Variants in GMDS observed in about 807,000 individuals in gnomAD.
GMDS encodes the protein GDP-mannose 4,6 dehydratase.
A neutral mutation model predicts 49.9 loss-of-function variants in GMDS; 20 were observed. The ratio of observed to expected loss-of-function variants is 0.40; its 90% CI spans 0.28 to 0.58. GMDS has a LOEUF of 0.58. Ranked by LOEUF, GMDS falls within the 20% of genes least tolerant of loss-of-function variation. The pLI, the probability that GMDS is intolerant of heterozygous loss-of-function variation, is 0.42. For missense variants in GMDS, 362 were observed against 481.4 expected (o/e 0.75, Z 2.32); for synonymous variants, 177 against 178.6 (o/e 0.99, Z 0.07).
intron 9 of GMDS, among the ~76,000 whole-genome samples, chr6:1,681,963 G>A (rs953981341): frequency 2.6e-5 from 4 of 151,876 alleles, no homozygotes; most frequent in Non-Finnish European, 4.4e-5. Context: ...CCAAAGTGTT[G>A]GGATTACAGG....
In GMDS at chr6:1,743,475, G is replaced by A. The variant is rs914504759; in HGVS notation, c.772-889C>T. 1.9e-4 allele frequency among the ~76,000 whole-genome samples: 28 copies of A among 148,050 alleles called. 1 individual carries two copies. Among genetic ancestry groups the A allele is most frequent in the Non-Finnish European group, 2.1e-4 (14 of 66,870 alleles). On this transcript the variant is annotated intron_variant, in intron 7 of 10. Transcript: ENST00000380815. ...GGAGAATGGCGTGAACCCGGGAGGC[G>A]GAGCTTGCAGGGAGCCGAGATCGCG...
intron 4 of GMDS, among the ~76,000 whole-genome samples, chr6:1,968,144 T>C (rs898729113): frequency 2.6e-5 from 4 of 152,200 alleles, no homozygotes; most frequent in African/African-American, 9.7e-5. Flanking sequence ...TTTATAACTA[T>C]GTGAAACTGA....
At chr6:2,052,143 A>AAAAAAAAAAAAAC (rs1770453878) in intron 4 of GMDS, among the ~76,000 whole-genome samples, 1 of 148,930 alleles carries the variant, frequency 6.7e-6, no homozygotes, top group Non-Finnish European at 1.5e-5. Flanking sequence ...AAAAAAAAAA[A>AAAAAAAAAAAAAC]CAGAAAAGAA....
intron 1 of GMDS, among the ~76,000 whole-genome samples, chr6:2,220,297 G>C (rs114195329): frequency 1.3e-5 from 2 of 152,156 alleles, no homozygotes; most frequent in Admixed American, 6.5e-5. Flanking sequence ...TCAACACAAG[G>C]CCTCACAGAT....
intron 8 of GMDS, among the ~76,000 whole-genome samples, chr6:1,741,281 T>C (rs974091725): frequency 3.3e-5 from 5 of 152,136 alleles, no homozygotes; most frequent in African/African-American, 1.2e-4. Flanking sequence ...CCAGAACTTA[T>C]TTCTCCTATC....
At chr6:2,216,158 G>A (rs890747769) in intron 1 of GMDS, among the ~76,000 whole-genome samples, 4 of 152,120 alleles carry the variant, frequency 2.6e-5, no homozygotes, top group African/African-American at 9.7e-5. Context: ...TTTGGGAATA[G>A]GACAGCATAT....
At chr6:1,744,026 A>C (rs1025234554) in intron 7 of GMDS, among the ~76,000 whole-genome samples, 3 of 152,244 alleles carry the variant, frequency 2.0e-5, no homozygotes, top group Admixed American at 6.5e-5. Context: ...ATAAGCCAAA[A>C]ACAAGAAGTT....
At chr6:1,832,857 G>A (rs909776225) in intron 7 of GMDS, among the ~76,000 whole-genome samples, 5 of 152,242 alleles carry the variant, frequency 3.3e-5, no homozygotes, top group East Asian at 1.9e-4. Context: ...GAGCTTCAGC[G>A]GAAAAGTCAG....
At chr6:1,844,939 T>C (rs942382883) in intron 7 of GMDS, among the ~76,000 whole-genome samples, 1 of 152,234 alleles carries the variant, frequency 6.6e-6, no homozygotes, top group Non-Finnish European at 1.5e-5. Context: ...TGAGTGGCCC[T>C]ATTCAGGAAG....
At chr6:1,671,776 T>A (rs1395661524) in intron 9 of GMDS, among the ~76,000 whole-genome samples, 3 of 150,644 alleles carry the variant, frequency 2.0e-5, no homozygotes, top group Non-Finnish European at 4.4e-5. Flanking sequence ...CTGATTCTCC[T>A]GCCTCAGCCT....
intron 8 of GMDS, among the ~76,000 whole-genome samples, chr6:1,731,040 A>G (rs552411704): frequency 6.6e-6 from 1 of 152,308 alleles, no homozygotes; most frequent in Non-Finnish European, 1.5e-5. Context: ...GAGATCAGGA[A>G]AGATATCAAA....
At chr6:1,849,868 T>C (rs1174128163) in intron 7 of GMDS, among the ~76,000 whole-genome samples, 1 of 152,196 alleles carries the variant, frequency 6.6e-6, no homozygotes, top group Non-Finnish European at 1.5e-5. Context: ...AAAGAACTTT[T>C]CAAAACCCTT....
At position 1,944,694 on chromosome 6, in the gene GMDS, A is replaced by G. The variant is rs529128660; in HGVS notation, c.644-14464T>C. Among the ~76,000 whole-genome samples the G allele has an allele frequency of 2.2e-5, 3 of 138,772 alleles. No homozygotes were observed. The South Asian group carries it at 7.1e-4, about 33-fold the overall frequency. The allele number at this position is 138,772 out of a possible 152,430, so 91.0% of individuals were successfully genotyped here. A position where few individuals can be genotyped will look rare whatever the true frequency, so the allele number is the denominator to read the frequency against. ...CAAAAAAAAAAAAAAAAAAAAAAAA[A>G]TTTCACGTTCGAAGTAACTTAACAA... On this transcript the variant is annotated intron_variant, in intron 6 of 10. Coordinates refer to ENST00000380815, the MANE Select transcript of GMDS (RefSeq NM_001500.4).
At chr6:1,880,269 G>A (rs1175648566) in intron 7 of GMDS, among the ~76,000 whole-genome samples, 3 of 108,894 alleles carry the variant, frequency 2.8e-5, no homozygotes, top group Admixed American at 1.1e-4. Flanking sequence ...ACAATGAAAC[G>A]AGACCTCATT....
At chr6:1,899,958 A>C (rs1185350765) in intron 7 of GMDS, among the ~76,000 whole-genome samples, 1 of 151,826 alleles carries the variant, frequency 6.6e-6, no homozygotes, top group Admixed American at 6.6e-5. Context: ...TACACACTAA[A>C]GAGAACACAG....
intron 4 of GMDS, among the ~76,000 whole-genome samples, chr6:2,046,476 T>C (rs995936479): frequency 6.6e-6 from 1 of 152,188 alleles, no homozygotes; most frequent in Admixed American, 6.5e-5. Flanking sequence ...TTTTCTTTTT[T>C]GGACACAGGG....
chr6:2,148,516 G>A (rs1203877292), intron 1 of GMDS, among the ~76,000 whole-genome samples: 1 of 152,140 alleles, frequency 6.6e-6, no homozygotes, highest in African/African-American at 2.4e-5. Context: ...CACGTCCTGG[G>A]TTCAAGCTAT....
intron 7 of GMDS, among the ~76,000 whole-genome samples, chr6:1,835,167 G>A (rs4959158): frequency 0.45 from 67,924 of 151,736 alleles, 18,105 homozygotes; most frequent in Non-Finnish European, 0.59. Context: ...GTAAGGGGGG[G>A]TCTGTCAGGG....
At chr6:1,913,249 C>T (rs1434972937) in intron 7 of GMDS, among the ~76,000 whole-genome samples, 5 of 150,662 alleles carry the variant, frequency 3.3e-5, no homozygotes, top group South Asian at 4.2e-4. Context: ...GGCGTAGTGG[C>T]GGGCGCCTGT....
Sources: allele counts gnomAD v4.1 joint callset (sites outside exome capture counted in the v4.1 genomes callset), GRCh38; gene constraint gnomAD v4.1.1; transcripts MANE v1.5; gene names NCBI Gene and HGNC (gene_info 2026-07-23, HGNC 2026-07-21).